CFAP161: variants seen among roughly 807,000 people sequenced by gnomAD.
The protein encoded by CFAP161 is cilia- and flagella-associated protein 161.
A neutral mutation model predicts 29.0 loss-of-function variants in CFAP161; 25 were observed. The ratio of observed to expected loss-of-function variants is 0.86; its 90% CI spans 0.63 to 1.20. The LOEUF (loss-of-function observed/expected upper bound fraction) is 1.20, where lower values mean the gene tolerates loss of function less well. Among genes scored for constraint, CFAP161 ranks in the 50% most tolerant of loss-of-function variants. The pLI is 0.00. For synonymous variants in CFAP161, 116 were observed against 137.4 expected (o/e 0.84, Z 1.09); for missense variants, 367 against 371.9 (o/e 0.99, Z 0.11).
chr15:81,130,000 A>G (rs996158380), upstream of CFAP161, among the ~76,000 whole-genome samples: 29 of 150,780 alleles, frequency 1.9e-4, 2 homozygotes, highest in Admixed American at 1.6e-3. Context: ...AGCCACCTAC[A>G]TCAATGATCT....
At chr15:81,133,216 TA>T (rs1567156400), upstream of CFAP161, among the ~76,000 whole-genome samples, 571 of 36,664 alleles carry the variant, frequency 0.016, 25 homozygotes, top group Non-Finnish European at 0.027. Flanking sequence ...TATATATATA[TA>T]TATATATGTA....
chr15:81,134,949 A>G (rs1894782833), intron 1 of CFAP161, among the ~76,000 whole-genome samples: 1 of 152,158 alleles, frequency 6.6e-6, no homozygotes, highest in African/African-American at 2.4e-5. Flanking sequence ...TGAACTTTCT[A>G]GTGTCAGTCA....
chr15:81,108,230 C>T (rs1894398036), intron 1 of CFAP161, among the ~76,000 whole-genome samples: 1 of 152,086 alleles, frequency 6.6e-6, no homozygotes, highest in South Asian at 2.1e-4. Context: ...TTTTAAATTG[C>T]AGAAAAATAG....
intron 1 of CFAP161, among the ~76,000 whole-genome samples, chr15:81,126,342 T>C (rs190912246): frequency 2.6e-4 from 39 of 152,328 alleles, no homozygotes; most frequent in Non-Finnish European, 2.6e-4. Flanking sequence ...ACTTCCTTCA[T>C]CTTATTTTTT....
At position 81,148,714 on chromosome 15, in the gene CFAP161, A is replaced by C; in HGVS notation, c.*181A>C. 2.0e-6 allele frequency: 1 copy of C among 500,428 alleles called. No homozygotes were observed. Among genetic ancestry groups the C allele is most frequent in the Non-Finnish European group, 3.3e-6 (1 of 298,952 alleles). 31.0% of individuals were successfully genotyped at this position (500,428 alleles called of 1,614,324 possible). On this transcript the variant is annotated 3_prime_UTR_variant, in exon 7 of 7. Transcript: ENST00000286732. ...AATTTGTGGTGGGAGTCTAGGGCTG[A>C]AGAAAAACAGCTCTGGAGAATAATT...
intron 1 of CFAP161, among the ~76,000 whole-genome samples, chr15:81,127,002 C>G (rs1894649688): frequency 1.3e-5 from 2 of 152,130 alleles, no homozygotes; most frequent in Admixed American, 1.3e-4. Flanking sequence ...AAAGACCGTT[C>G]GAACTCTGAA....
rs114330108 is a variant in CFAP161 at position 81,143,928 on chromosome 15, T to C, written c.636+108T>C. ...AGCTCAAATGCCTTATGACTTTCTC[T>C]CTCTTTTCTGTCTTTTTTTTTCCAT... On this transcript the variant is annotated intron_variant, in intron 5 of 6. Transcript: ENST00000286732. 3,916 of 1,246,432 alleles carry C rather than the reference T, an allele frequency of 3.1e-3. 70 individuals carry two copies. In the African/African-American group the frequency reaches 0.044, roughly 14 times the overall value. The allele number at this position is 1,246,432 out of a possible 1,614,324, so 77.2% of individuals were successfully genotyped here.
intron 5 of CFAP161, 82 bp downstream of exon 5, chr15:81,143,902 T>C (rs557224996): frequency 7.0e-6 from 10 of 1,431,730 alleles, no homozygotes; most frequent in Admixed American, 4.3e-5. Flanking sequence ...CACAGACTTA[T>C]AGCTCAAATG....
chr15:81,147,878 C>G lies in CFAP161; in HGVS notation c.657C>G (p.Ile219Met). Reference sequence around the variant, plus strand: ...TTAAGGCAAATGCTAAAATTCTCATCAATCACTGTCACACAAATCGGGGAC... The same window carrying G: ...TTAAGGCAAATGCTAAAATTCTCATGAATCACTGTCACACAAATCGGGGAC... ...FPVPANAKIL[I>M]NHCHTNRGLA... Residue 219 changes from isoleucine (I) to methionine (M), a missense_variant, in exon 6 of 7, where the codon ATC (isoleucine) becomes ATG (methionine). Physicochemically the swap from Ile to Met is conservative, Grantham distance 10. Coordinates refer to ENST00000286732, the MANE Select transcript of CFAP161 (RefSeq NM_173528.4). The G allele has an allele frequency of 6.2e-7, 1 of 1,609,920 alleles. No homozygotes were observed. Among genetic ancestry groups the G allele is most frequent in the Non-Finnish European group, 8.5e-7 (1 of 1,178,452 alleles).
intron 2 of CFAP161, among the ~76,000 whole-genome samples, chr15:81,127,882 G>A (rs1405017782): frequency 6.6e-6 from 1 of 152,162 alleles, no homozygotes; most frequent in Non-Finnish European, 1.5e-5. Context: ...CATTGCAATG[G>A]GACTATGCAT....
intron 5 of CFAP161, among the ~76,000 whole-genome samples, chr15:81,147,107 G>T (rs558964667): frequency 1.3e-5 from 2 of 151,456 alleles, no homozygotes; most frequent in African/African-American, 4.8e-5. Flanking sequence ...TTCATCTTAC[G>T]TAAAAATGCA....
At chr15:81,116,379 C>T (rs746726400) in intron 1 of CFAP161, among the ~76,000 whole-genome samples, 17 of 152,206 alleles carry the variant, frequency 1.1e-4, no homozygotes, top group South Asian at 4.1e-4. Flanking sequence ...CTGCAGCCTC[C>T]GCCTCCTGGG....
At chr15:81,118,246 A>T in intron 1 of CFAP161, 2 of 509,044 alleles carry the variant, frequency 3.9e-6, no homozygotes, top group Non-Finnish European at 7.4e-6. Flanking sequence ...ACCTACATTT[A>T]TTAAACGGAG....
chr15:81,138,163 T>C, intron 4 of CFAP161, 28 bp downstream of exon 4: 1 of 1,553,084 alleles, frequency 6.4e-7, no homozygotes, highest in Non-Finnish European at 8.9e-7. Context: ...ATATCTACTT[T>C]GGATCAGTCA....
chr15:81,107,162 C>T (rs1894382604), intron 1 of CFAP161, among the ~76,000 whole-genome samples: 1 of 152,204 alleles, frequency 6.6e-6, no homozygotes, highest in African/African-American at 2.4e-5. Context: ...AAAACTGGTT[C>T]CCATTCTTGG....
intron 1 of CFAP161, among the ~76,000 whole-genome samples, chr15:81,121,892 C>G (rs1195461744): frequency 6.6e-6 from 1 of 152,174 alleles, no homozygotes; most frequent in Non-Finnish European, 1.5e-5. Flanking sequence ...AAAGGCCCCA[C>G]TGTGTATTGT....
rs770868343 is a variant in CFAP161 at position 81,136,579 on chromosome 15, C to T, written c.223C>T (p.Pro75Ser). The T allele has an allele frequency of 1.2e-6, 2 of 1,614,158 alleles. No individual in the cohort carries two copies. Among genetic ancestry groups the T allele is most frequent in the South Asian group, 2.2e-5 (2 of 91,082 alleles). ...HYGDKVMLVN[P>S]DDPDTEADVF... ...CGGTGACAAAGTGATGCTTGTGAAT[C>T]CTGATGATCCTGACACAGAAGCTGA... The change falls in exon 3 of 7, where the codon CCT becomes TCT. Residue 75 changes from proline (P) to serine (S), a missense_variant. Physicochemically the swap from Pro to Ser is moderately conservative, Grantham distance 74. Coordinates refer to ENST00000286732, the MANE Select transcript of CFAP161 (RefSeq NM_173528.4).
Position 81,116,659 on chromosome 15 carries a change from C to G in CFAP161, c.-141-10931C>G, listed in dbSNP as rs570443188. 3.9e-5 allele frequency among the ~76,000 whole-genome samples: 6 copies of G among 152,192 alleles called. No homozygotes were observed. The East Asian group carries it at 1.2e-3, about 29-fold the overall frequency. ...TGGTGTGAAAACATCAACTTTTTCC[C>G]CTGGTTTGTAGTGTGAGTATCTCTG... On this transcript the variant is annotated intron_variant, in intron 1 of 4. Coordinates refer to the CFAP161 transcript ENST00000560091.
chr15:81,100,132 G>A (rs8036753), intron 1 of CFAP161, among the ~76,000 whole-genome samples: 12,744 of 150,984 alleles, frequency 0.084, 649 homozygotes, highest in East Asian at 0.16. Context: ...TGCATCCCAG[G>A]TTTTTGGTAT....
Sources: allele counts gnomAD v4.1 joint callset (sites outside exome capture counted in the v4.1 genomes callset), GRCh38; gene constraint gnomAD v4.1.1; transcripts MANE v1.5; gene names NCBI Gene and HGNC (gene_info 2026-07-23, HGNC 2026-07-21).